Variants in MAML2 observed in about 807,000 individuals in gnomAD.
MAML2 encodes mastermind like transcriptional coactivator 2, also known as mastermind-like protein 2.
In MAML2, 22 loss-of-function variants were observed where a neutral mutation model predicts 96.1. That is an observed-to-expected ratio of 0.23 (90% CI 0.16 to 0.33). The LOEUF (loss-of-function observed/expected upper bound fraction) is 0.33, where lower values mean the gene tolerates loss of function less well. Among genes scored for constraint, MAML2 ranks in the 10% least tolerant of loss-of-function variants. The pLI, the probability that MAML2 is intolerant of heterozygous loss-of-function variation, is 1.00. For missense variants in MAML2, 1,367 were observed against 1,392.4 expected, an observed-to-expected ratio of 0.98 and a Z score of 0.29; for synonymous variants, 561 against 521.3, an observed-to-expected ratio of 1.08 and a Z score of -1.04.
At chr11:96,280,417 G>T (rs1296689120) in intron 1 of MAML2, among the ~76,000 whole-genome samples, 4 of 152,004 alleles carry the variant, frequency 2.6e-5, no homozygotes, top group Non-Finnish European at 5.9e-5. Flanking sequence ...AACTGTTAAT[G>T]AACTTTCTTT....
At chr11:96,137,291 G>A (rs1307304992) in intron 1 of MAML2, among the ~76,000 whole-genome samples, 1 of 152,172 alleles carries the variant, frequency 6.6e-6, no homozygotes, top group African/African-American at 2.4e-5. Context: ...GGAGAAATGA[G>A]GAGGCTTTAA....
chr11:96,177,952 G>GTGTGTGTA (rs1861413526), intron 1 of MAML2, among the ~76,000 whole-genome samples: 1 of 148,148 alleles, frequency 6.8e-6, no homozygotes, highest in Non-Finnish European at 1.5e-5. Flanking sequence ...GTGTGTGTGT[G>GTGTGTGTA]TGTGTTTAAA....
At chr11:96,088,766 A>T (rs1859658152) in intron 2 of MAML2, among the ~76,000 whole-genome samples, 1 of 152,162 alleles carries the variant, frequency 6.6e-6, no homozygotes, top group African/African-American at 2.4e-5. Flanking sequence ...TCTCTCAGGC[A>T]TCATTTACCT....
At chr11:96,264,087 T>C (rs1382806854) in intron 1 of MAML2, among the ~76,000 whole-genome samples, 1 of 152,196 alleles carries the variant, frequency 6.6e-6, no homozygotes, top group Non-Finnish European at 1.5e-5. Flanking sequence ...TGCCAGAGTG[T>C]CTCTTGTTTG....
At chr11:96,054,666 C>T (rs757558822) in intron 2 of MAML2, among the ~76,000 whole-genome samples, 1 of 152,100 alleles carries the variant, frequency 6.6e-6, no homozygotes, top group Admixed American at 6.5e-5. Flanking sequence ...CCCTTTGTTC[C>T]CATATAACCA....
At chr11:96,058,800 C>T (rs1008205965) in intron 2 of MAML2, among the ~76,000 whole-genome samples, 36 of 152,200 alleles carry the variant, frequency 2.4e-4, no homozygotes, top group Non-Finnish European at 2.2e-4. Context: ...CAACCTACTG[C>T]CAAGTCCTAT....
At chr11:96,263,865 C>G (rs527736521) in intron 1 of MAML2, among the ~76,000 whole-genome samples, 15 of 152,270 alleles carry the variant, frequency 9.9e-5, no homozygotes, top group Admixed American at 3.9e-4. Context: ...ATTTGTGTAG[C>G]CTTGTGCATG....
intron 2 of MAML2, among the ~76,000 whole-genome samples, chr11:96,020,123 G>A (rs1858414449): frequency 6.6e-6 from 1 of 152,138 alleles, no homozygotes. Flanking sequence ...TTTAGTAGGG[G>A]GAAAAGGAAG....
chr11:96,135,388 A>G lies in MAML2; in HGVS notation c.514-41871T>C, dbSNP rs1860612082. ...AACACAAAACGGACTAAGACAATAC[A>G]TTATCTCATTTCATCCTCACACCAG... On this transcript the variant is annotated intron_variant, in intron 1 of 4. Transcript: ENST00000524717. Among the ~76,000 whole-genome samples, 3 of 152,130 alleles carry G rather than the reference A, an allele frequency of 2.0e-5. No individual in the cohort carries two copies. In the South Asian group the frequency reaches 6.2e-4, roughly 31 times the overall value.
chr11:96,193,293 C>T lies in MAML2; in HGVS notation c.514-99776G>A, dbSNP rs549239972. On this transcript the variant is annotated intron_variant, in intron 1 of 4. Coordinates refer to ENST00000524717, the MANE Select transcript of MAML2 (RefSeq NM_032427.4). ...CTGAGACAGGAGAATCATTTGAACC[C>T]GGGAGGCGGAGGTTGCAGTGAGTTG... 1.8e-4 allele frequency among the ~76,000 whole-genome samples: 27 copies of T among 152,232 alleles called. No homozygotes were observed. In the South Asian group the frequency reaches 4.2e-3, roughly 23 times the overall value.
intron 2 of MAML2, among the ~76,000 whole-genome samples, chr11:96,073,917 C>G (rs1240968021): frequency 6.6e-6 from 1 of 151,912 alleles, no homozygotes; most frequent in Non-Finnish European, 1.5e-5. Flanking sequence ...TTTTTGTTTG[C>G]TAAAGGAACT....
chr11:96,321,159 C>T (rs1031021980), intron 1 of MAML2, among the ~76,000 whole-genome samples: 4 of 152,212 alleles, frequency 2.6e-5, no homozygotes, highest in East Asian at 1.9e-4. Flanking sequence ...TCTTTCTATA[C>T]TTCCCACTTC....
intron 1 of MAML2, among the ~76,000 whole-genome samples, chr11:96,291,646 T>C (rs566283322): frequency 6.6e-6 from 1 of 152,364 alleles, no homozygotes; most frequent in African/African-American, 2.4e-5. Context: ...TGGAAGGAGA[T>C]ATAATTTATA....
At chr11:96,339,270 A>T (rs994874451) in intron 1 of MAML2, among the ~76,000 whole-genome samples, 1 of 152,200 alleles carries the variant, frequency 6.6e-6, no homozygotes, top group African/African-American at 2.4e-5. Context: ...TGGCTTCTGC[A>T]GCAGTAAGCT....
rs72031056 is a variant in MAML2 at position 96,026,873 on chromosome 11, C to CAAATAAATAAAT, written c.2140-35162_2140-35151dup. On this transcript the variant is annotated intron_variant, in intron 2 of 4. Transcript: ENST00000524717. ...ACAATGCATTTGTTTAGCATCCTGGCAAATAAATAAATAAATAAATAAATA... is the reference window on the plus strand; with the variant it reads ...ACAATGCATTTGTTTAGCATCCTGGCAAATAAATAAATAAATAAATAAATAAATAAATAAATA... 1.4e-4 allele frequency among the ~76,000 whole-genome samples: 20 copies of CAAATAAATAAAT among 147,674 alleles called. 1 individual carries two copies. Among genetic ancestry groups the CAAATAAATAAAT allele is most frequent in the South Asian group, 2.1e-4 (1 of 4,664 alleles).
chr11:96,257,571 G>T (rs1862685786), intron 1 of MAML2, among the ~76,000 whole-genome samples: 1 of 152,162 alleles, frequency 6.6e-6, no homozygotes. Flanking sequence ...AGAGTCCACA[G>T]TCTAACAGTC....
intron 2 of MAML2, among the ~76,000 whole-genome samples, chr11:96,049,772 G>GCCTTT (rs1225245832): frequency 1.1e-4 from 16 of 152,156 alleles, no homozygotes; most frequent in African/African-American, 3.4e-4. Context: ...AATAAATGGA[G>GCCTTT]TACTTAATCC....
At chr11:96,163,057 C>T (rs550507416) in intron 1 of MAML2, among the ~76,000 whole-genome samples, 1 of 152,348 alleles carries the variant, frequency 6.6e-6, no homozygotes, top group East Asian at 1.9e-4. Context: ...GACTTCATTA[C>T]TCACATTACT....
intron 4 of MAML2, among the ~76,000 whole-genome samples, chr11:95,981,283 G>A (rs996646821): frequency 6.6e-6 from 1 of 152,204 alleles, no homozygotes; most frequent in African/African-American, 2.4e-5. Flanking sequence ...TAAGCCACAG[G>A]CTGTGTAATA....
Sources: allele counts gnomAD v4.1 joint callset (sites outside exome capture counted in the v4.1 genomes callset), GRCh38; gene constraint gnomAD v4.1.1; transcripts MANE v1.5; gene names NCBI Gene and HGNC (gene_info 2026-07-23, HGNC 2026-07-21).